The following OSBPL8 variants were observed in gnomAD, a reference collection of about 807,000 sequenced individuals.
The protein encoded by OSBPL8 is oxysterol binding protein like 8, also known as oxysterol-binding protein-related protein 8.
Under a neutral mutation model 125.5 loss-of-function variants are expected in OSBPL8, and 59 were observed. That is an observed-to-expected ratio of 0.47 (90% CI 0.38 to 0.58). The LOEUF is 0.58. Ranked by LOEUF, OSBPL8 falls within the 20% of genes least tolerant of loss-of-function variation. The probability of loss-of-function intolerance (pLI) is 0.00; values close to 1 mark genes in which losing one functional copy is unlikely to be tolerated. For missense variants in OSBPL8, 758 were observed against 1,047.8 expected (o/e 0.72, Z 3.82); for synonymous variants, 330 against 338.9 (o/e 0.97, Z 0.29).
intron 1 of OSBPL8, among the ~76,000 whole-genome samples, chr12:76,548,603 A>G (rs1056470853): frequency 6.6e-6 from 1 of 152,150 alleles, no homozygotes; most frequent in Non-Finnish European, 1.5e-5. Flanking sequence ...GGCACAGAGT[A>G]AACACATCTC....
At chr12:76,529,859 T>C (rs184912204) in intron 1 of OSBPL8, among the ~76,000 whole-genome samples, 1 of 152,320 alleles carries the variant, frequency 6.6e-6, no homozygotes, top group Non-Finnish European at 1.5e-5. Flanking sequence ...CTAGTTGCTT[T>C]AAATGCATTA....
intron 10 of OSBPL8, among the ~76,000 whole-genome samples, chr12:76,390,969 A>G (rs1052304049): frequency 6.6e-6 from 1 of 152,160 alleles, no homozygotes; most frequent in African/African-American, 2.4e-5. Flanking sequence ...CCAAGAGTTT[A>G]GACTTCTTGT....
chr12:76,424,040 G>A (rs890832028), intron 4 of OSBPL8, among the ~76,000 whole-genome samples: 4 of 151,674 alleles, frequency 2.6e-5, no homozygotes, highest in Non-Finnish European at 4.4e-5. Flanking sequence ...TCTCACTGTC[G>A]CCCAGGCTAG....
intron 2 of OSBPL8, among the ~76,000 whole-genome samples, chr12:76,474,269 T>C (rs1395194703): frequency 1.3e-5 from 2 of 152,102 alleles, no homozygotes; most frequent in Non-Finnish European, 2.9e-5. Context: ...AGTAGAACAA[T>C]GAAGGGATTT....
chr12:76,401,444 T>C (rs980356135), intron 6 of OSBPL8, among the ~76,000 whole-genome samples: 3 of 152,220 alleles, frequency 2.0e-5, no homozygotes, highest in African/African-American at 7.2e-5. Flanking sequence ...CTAAGCACTT[T>C]ACTTGTATTG....
intron 1 of OSBPL8, among the ~76,000 whole-genome samples, chr12:76,558,582 A>C (rs1009875321): frequency 4.6e-5 from 7 of 152,234 alleles, no homozygotes; most frequent in Admixed American, 3.9e-4. Context: ...TATCAGTTAA[A>C]GTTTACCCAT....
At chr12:76,525,053 A>C (rs1024094960) in intron 1 of OSBPL8, among the ~76,000 whole-genome samples, 5 of 152,182 alleles carry the variant, frequency 3.3e-5, no homozygotes, top group African/African-American at 9.6e-5. Context: ...CTACAAAACA[A>C]CTAGGCTTCT....
intron 1 of OSBPL8, among the ~76,000 whole-genome samples, chr12:76,541,053 T>C (rs936120876): frequency 1.3e-5 from 2 of 152,218 alleles, no homozygotes; most frequent in African/African-American, 4.8e-5. Flanking sequence ...TACCAACGGC[T>C]ACTATCCCTA....
intron 19 of OSBPL8, 93 bp downstream of exon 19, chr12:76,371,353 GAT>G (rs1952611176): frequency 1.1e-5 from 15 of 1,326,488 alleles, no homozygotes; most frequent in Non-Finnish European, 1.5e-5. Flanking sequence ...GCTGAATTAA[GAT>G]ATGACAGAAG....
chr12:76,468,473 T>C (rs1004390205), intron 2 of OSBPL8, among the ~76,000 whole-genome samples: 17 of 152,236 alleles, frequency 1.1e-4, no homozygotes, highest in East Asian at 3.8e-4. Context: ...AATTTTTATA[T>C]GTATTTTCTG....
Position 76,399,945 on chromosome 12 carries a change from C to T in OSBPL8, c.396G>A (p.Lys132=), listed in dbSNP as rs1490995569. The change falls in exon 7 of 24, where the codon AAG becomes AAA. Residue 132 remains lysine (K), a synonymous_variant. Transcript: ENST00000261183. Reference sequence around the variant, plus strand: ...TGAGCAGCTCCTTTGTGGCTCTTTTCTTTTCTTCTCGGTAATTTTTCTTTT... The same window carrying T: ...TGAGCAGCTCCTTTGTGGCTCTTTTTTTTTCTTCTCGGTAATTTTTCTTTT... The part of the protein sequence containing the change: ...KVQKKNYREE[K]KRATKELLST... The T allele has an allele frequency of 4.4e-6, 7 of 1,604,106 alleles. No homozygotes were observed. The highest frequency in any genetic ancestry group is 5.1e-6 in the Non-Finnish European group (6 of 1,177,468).
intron 2 of OSBPL8, among the ~76,000 whole-genome samples, chr12:76,485,251 T>C (rs934586118): frequency 2.0e-5 from 3 of 151,684 alleles, no homozygotes; most frequent in African/African-American, 7.3e-5. Context: ...AACTTTTAAC[T>C]TCTCAATATC....
chr12:76,488,116 T>C (rs375254840), intron 1 of OSBPL8, among the ~76,000 whole-genome samples: 1 of 152,128 alleles, frequency 6.6e-6, no homozygotes, highest in African/African-American at 2.4e-5. Flanking sequence ...CCCAGAAATA[T>C]ATAAACAATT....
At chr12:76,450,694 T>C (rs1379298080) in intron 4 of OSBPL8, among the ~76,000 whole-genome samples, 157 bp downstream of exon 4, 1 of 151,726 alleles carries the variant, frequency 6.6e-6, no homozygotes, top group Non-Finnish European at 1.5e-5. Flanking sequence ...ATTTCAAGAG[T>C]ATTATAGATG....
intron 1 of OSBPL8, among the ~76,000 whole-genome samples, chr12:76,552,663 A>T (rs558506736): frequency 6.6e-6 from 1 of 152,158 alleles, no homozygotes; most frequent in East Asian, 1.9e-4. Context: ...AACCATGGAA[A>T]ACTCACAGAG....
At chr12:76,559,248 A>G (rs1279765329) in intron 1 of OSBPL8, 149 bp downstream of exon 1, 1 of 152,600 alleles carries the variant, frequency 6.6e-6, no homozygotes, top group Non-Finnish European at 1.5e-5. Context: ...CCCCTACTCC[A>G]AAAGGGAACA....
chr12:76,428,956 CT>C lies in OSBPL8; in HGVS notation c.218-18323del, dbSNP rs370503994. On this transcript the variant is annotated intron_variant, in intron 4 of 23. Coordinates refer to ENST00000261183, the MANE Select transcript of OSBPL8 (RefSeq NM_020841.5). Reference sequence around the variant, plus strand: ...AAATAGAAAACACAATGATAAGCCTCTCTGTCAATTTCTATCCTCTAATAGA... The same window carrying C: ...AAATAGAAAACACAATGATAAGCCTCCTGTCAATTTCTATCCTCTAATAGA... Among the ~76,000 whole-genome samples the C allele has an allele frequency of 7.5e-4, 114 of 152,210 alleles. No homozygotes were observed. In the East Asian group the frequency reaches 0.018, roughly 24 times the overall value.
Position 76,498,725 on chromosome 12 carries a change from C to CTTT in OSBPL8, c.-67-11110_-67-11108dup, listed in dbSNP as rs369287376. ...CTTAGTGGTAATAAAAGCCTCCCCA[C>CTTT]TTTTTTTTTTTTTTTTTTTTTTGAG... On this transcript the variant is annotated intron_variant, in intron 1 of 23. Coordinates refer to ENST00000261183, the MANE Select transcript of OSBPL8 (RefSeq NM_020841.5). Among the ~76,000 whole-genome samples the CTTT allele has an allele frequency of 4.7e-3, 483 of 102,358 alleles. 16 individuals are homozygous for CTTT. The highest frequency in any genetic ancestry group is 6.0e-3 in the Middle Eastern group (1 of 166). 67.2% of individuals were successfully genotyped at this position (102,358 alleles called of 152,430 possible).
At chr12:76,519,331 C>T (rs968005543) in intron 1 of OSBPL8, among the ~76,000 whole-genome samples, 1 of 152,198 alleles carries the variant, frequency 6.6e-6, no homozygotes, top group Admixed American at 6.5e-5. Flanking sequence ...ACAAGTTCCT[C>T]ATTTCCATCT....
Sources: gnomAD v4.1 joint callset for allele counts (sites outside exome capture counted in the v4.1 genomes callset) on GRCh38, gnomAD v4.1.1 for gene constraint, MANE v1.5 for transcripts, NCBI Gene and HGNC (gene_info 2026-07-23, HGNC 2026-07-21) for gene names.